The following ARHGAP42 variants were observed in gnomAD, a reference collection of about 807,000 sequenced individuals.
The protein encoded by ARHGAP42 is Rho GTPase activating protein 42.
In ARHGAP42, 63 loss-of-function variants were observed where a neutral mutation model predicts 125.0. That is an observed-to-expected ratio of 0.50 (90% confidence interval 0.41 to 0.62). ARHGAP42 has a LOEUF of 0.62. Ranked by LOEUF, ARHGAP42 falls within the 20% of genes least tolerant of loss-of-function variation. ARHGAP42 has a pLI of 0.00. For missense variants in ARHGAP42, 766 were observed against 1,024.2 expected, an observed-to-expected ratio of 0.75 and a Z score of 3.44; for synonymous variants, 339 against 351.0, an observed-to-expected ratio of 0.97 and a Z score of 0.38.
intron 16 of ARHGAP42, among the ~76,000 whole-genome samples, chr11:100,964,349 C>A (rs1483253871): frequency 6.6e-6 from 1 of 152,140 alleles, no homozygotes; most frequent in Admixed American, 6.6e-5. Flanking sequence ...CCTTCCCAGT[C>A]AGATTTTCTT....
Position 100,974,621 on chromosome 11 carries a change from T to C in ARHGAP42, c.1855+18T>C. On this transcript the variant is annotated intron_variant, in intron 19 of 23. Coordinates refer to ENST00000298815, the MANE Select transcript of ARHGAP42 (RefSeq NM_152432.4). ...ACCTGATAGTAAGTGCACCCGGCCT[T>C]AGGGAGATGCTTTCTTCATTCTTTG... 1 of 1,535,818 alleles carries C rather than the reference T, an allele frequency of 6.5e-7. No individual in the cohort carries two copies. The highest frequency in any genetic ancestry group is 1.2e-5 in the South Asian group (1 of 82,378).
chr11:100,775,895 C>G (rs528110159), intron 2 of ARHGAP42, among the ~76,000 whole-genome samples: 1 of 152,126 alleles, frequency 6.6e-6, no homozygotes, highest in Non-Finnish European at 1.5e-5. Flanking sequence ...TACGGTGGCT[C>G]ACGCTTGTAA....
In ARHGAP42 at chr11:100,976,982, G is replaced by T; in HGVS notation, c.2393+11G>T. The T allele has an allele frequency of 6.4e-7, 1 of 1,550,948 alleles. No homozygotes were observed. The highest frequency in any genetic ancestry group is 8.7e-7 in the Non-Finnish European group (1 of 1,146,576). On this transcript the variant is annotated intron_variant, in intron 21 of 23. Coordinates refer to ENST00000298815, the MANE Select transcript of ARHGAP42 (RefSeq NM_152432.4). ...GCGGCCTGGCTCAGTGTAAGTGAGC[G>T]TTTGTATATTTGCTGTGTCTCCCAG...
At chr11:100,801,455 G>A (rs992438058) in intron 3 of ARHGAP42, among the ~76,000 whole-genome samples, 2 of 152,176 alleles carry the variant, frequency 1.3e-5, no homozygotes, top group African/African-American at 2.4e-5. Flanking sequence ...ATCTCAGCAT[G>A]AGGAAGATTT....
intron 4 of ARHGAP42, among the ~76,000 whole-genome samples, chr11:100,912,632 A>G (rs1866954325): frequency 1.3e-5 from 2 of 152,204 alleles, no homozygotes; most frequent in South Asian, 2.1e-4. Flanking sequence ...CAACATTTAT[A>G]GTAGTAGAAG....
At chr11:100,881,251 T>A (rs980543995) in intron 4 of ARHGAP42, among the ~76,000 whole-genome samples, 3 of 152,208 alleles carry the variant, frequency 2.0e-5, no homozygotes, top group Middle Eastern at 3.2e-3. Context: ...CCATCTTGAG[T>A]TGATCTTTAC....
chr11:100,713,848 A>G (rs1182076314), intron 1 of ARHGAP42, among the ~76,000 whole-genome samples: 1 of 152,232 alleles, frequency 6.6e-6, no homozygotes, highest in African/African-American at 2.4e-5. Flanking sequence ...TATTTGAGCA[A>G]ATTCGTTGCA....
intron 1 of ARHGAP42, among the ~76,000 whole-genome samples, chr11:100,697,772 T>C (rs1861312654): frequency 6.6e-6 from 1 of 152,174 alleles, no homozygotes; most frequent in Non-Finnish European, 1.5e-5. Context: ...CTATGTAAAT[T>C]GGTTTTAGTT....
chr11:100,960,023 C>A, intron 13 of ARHGAP42, 78 bp downstream of exon 13: 3 of 1,263,458 alleles, frequency 2.4e-6, no homozygotes, highest in South Asian at 1.3e-5. Context: ...GTAGATAAAT[C>A]ATTGAAGATG....
intron 4 of ARHGAP42, among the ~76,000 whole-genome samples, chr11:100,883,918 A>T (rs1273478426): frequency 1.3e-5 from 2 of 152,184 alleles, no homozygotes; most frequent in Non-Finnish European, 2.9e-5. Context: ...GGTATCCAGG[A>T]CAGTTTATCA....
At chr11:100,888,098 C>A in intron 4 of ARHGAP42, among the ~76,000 whole-genome samples, 1 of 152,146 alleles carries the variant, frequency 6.6e-6, no homozygotes, top group Non-Finnish European at 1.5e-5. Context: ...GCAGAAACTT[C>A]TTCATGGTGG....
intron 5 of ARHGAP42, among the ~76,000 whole-genome samples, chr11:100,913,788 T>C (rs1483081305): frequency 2.0e-5 from 3 of 151,882 alleles, no homozygotes; most frequent in Non-Finnish European, 4.4e-5. Context: ...TCTTTCACTT[T>C]TATTCTTTTT....
intron 22 of ARHGAP42, among the ~76,000 whole-genome samples, chr11:100,985,050 A>C (rs1435297715): frequency 6.6e-6 from 1 of 152,198 alleles, no homozygotes; most frequent in Non-Finnish European, 1.5e-5. Flanking sequence ...ACATTTAACA[A>C]TATGTATGTC....
At chr11:100,723,152 C>A (rs967841002) in intron 1 of ARHGAP42, among the ~76,000 whole-genome samples, 2 of 152,106 alleles carry the variant, frequency 1.3e-5, no homozygotes, top group African/African-American at 2.4e-5. Flanking sequence ...TTTTTCTATT[C>A]TTTTACCAAT....
At chr11:100,818,063 G>A (rs1864311324) in intron 3 of ARHGAP42, among the ~76,000 whole-genome samples, 1 of 152,144 alleles carries the variant, frequency 6.6e-6, no homozygotes, top group East Asian at 1.9e-4. Flanking sequence ...ATCTAGCATG[G>A]TAAAGCAAGG....
At chr11:100,846,130 A>G (rs1026712787) in intron 3 of ARHGAP42, among the ~76,000 whole-genome samples, 4 of 152,180 alleles carry the variant, frequency 2.6e-5, no homozygotes, top group Non-Finnish European at 4.4e-5. Flanking sequence ...AAGTAGAAGT[A>G]AAAAGTTAAT....
At chr11:100,761,787 A>G (rs1862704921) in intron 1 of ARHGAP42, among the ~76,000 whole-genome samples, 1 of 152,250 alleles carries the variant, frequency 6.6e-6, no homozygotes, top group Non-Finnish European at 1.5e-5. Context: ...TGCCATCATA[A>G]TAAATAATGG....
At chr11:100,764,706 A>T (rs1160754909) in intron 1 of ARHGAP42, among the ~76,000 whole-genome samples, 1 of 152,228 alleles carries the variant, frequency 6.6e-6, no homozygotes, top group East Asian at 1.9e-4. Context: ...AGGGTAAAAG[A>T]CATCCAGGGG....
chr11:100,831,567 G>A (rs1864664258), intron 3 of ARHGAP42, among the ~76,000 whole-genome samples: 1 of 152,022 alleles, frequency 6.6e-6, no homozygotes, highest in Non-Finnish European at 1.5e-5. Context: ...CTTTGTATAG[G>A]GAAGCTCACA....
Sources: gnomAD v4.1 joint callset for allele counts (sites outside exome capture counted in the v4.1 genomes callset) on GRCh38, gnomAD v4.1.1 for gene constraint, MANE v1.5 for transcripts, NCBI Gene and HGNC (gene_info 2026-07-23, HGNC 2026-07-21) for gene names.